Variants in MGAT4C observed in about 807,000 individuals in gnomAD.
MGAT4C encodes the protein alpha-1,3-mannosyl-glycoprotein 4-beta-N-acetylglucosaminyltransferase C.
In MGAT4C, 19 loss-of-function variants were observed where a neutral mutation model predicts 40.1. The ratio of observed to expected loss-of-function variants is 0.47; its 90% CI spans 0.33 to 0.70. The LOEUF is 0.70. Among genes scored for constraint, MGAT4C ranks in the 30% least tolerant of loss-of-function variants. The pLI, the probability that MGAT4C is intolerant of heterozygous loss-of-function variation, is 0.02. For missense variants in MGAT4C, 491 were observed against 563.2 expected (o/e 0.87, Z 1.30); for synonymous variants, 181 against 187.1 (o/e 0.97, Z 0.27).
At chr12:86,668,167 G>C (rs1162213064) in intron 2 of MGAT4C, among the ~76,000 whole-genome samples, 1 of 152,144 alleles carries the variant, frequency 6.6e-6, no homozygotes, top group African/African-American at 2.4e-5. Flanking sequence ...CATATTAGGG[G>C]CTTTTAACAT....
intron 3 of MGAT4C, among the ~76,000 whole-genome samples, chr12:86,342,646 AG>A (rs960278483): frequency 4.6e-5 from 7 of 152,062 alleles, no homozygotes; most frequent in Non-Finnish European, 8.8e-5. Flanking sequence ...TCACCATGTT[AG>A]CCAGGATGAT....
At chr12:86,181,259 T>C (rs1888088874) in intron 1 of MGAT4C, among the ~76,000 whole-genome samples, 3 of 152,280 alleles carry the variant, frequency 2.0e-5, no homozygotes, top group South Asian at 4.1e-4. Context: ...TTCTCAGTTT[T>C]GGTTATGTCT....
chr12:86,620,698 C>T (rs938807701), intron 2 of MGAT4C, among the ~76,000 whole-genome samples: 19 of 152,140 alleles, frequency 1.2e-4, no homozygotes, highest in Admixed American at 1.3e-4. Flanking sequence ...TATGTGTTCC[C>T]ACCAGAATCT....
intron 1 of MGAT4C, among the ~76,000 whole-genome samples, chr12:86,768,713 G>A (rs112844933): frequency 0.16 from 24,523 of 151,794 alleles, 3,138 homozygotes; most frequent in African/African-American, 0.35. Context: ...AAATAACGCC[G>A]CATATCTACA....
At chr12:86,825,580 G>A (rs965613810) in intron 1 of MGAT4C, among the ~76,000 whole-genome samples, 1 of 151,220 alleles carries the variant, frequency 6.6e-6, no homozygotes, top group East Asian at 2.0e-4. Context: ...TAAGAGCTTC[G>A]ATATACACAG....
intron 3 of MGAT4C, among the ~76,000 whole-genome samples, chr12:86,409,434 A>G (rs1480918744): frequency 6.6e-6 from 1 of 152,152 alleles, no homozygotes; most frequent in Non-Finnish European, 1.5e-5. Flanking sequence ...ACCTGTGGCA[A>G]TTGGAGACAC....
chr12:86,286,228 C>T (rs1374274631), intron 4 of MGAT4C, among the ~76,000 whole-genome samples: 1 of 151,972 alleles, frequency 6.6e-6, no homozygotes, highest in African/African-American at 2.4e-5. Flanking sequence ...CATTAAAATG[C>T]TAGCCTAGCA....
chr12:86,564,565 G>T (rs1960008174), intron 2 of MGAT4C, among the ~76,000 whole-genome samples: 2 of 152,220 alleles, frequency 1.3e-5, no homozygotes, highest in African/African-American at 4.8e-5. Context: ...CATGCAATGG[G>T]ATGGAAAATA....
At chr12:86,196,462 G>A (rs1222000702) in intron 1 of MGAT4C, among the ~76,000 whole-genome samples, 1 of 152,192 alleles carries the variant, frequency 6.6e-6, no homozygotes, top group Admixed American at 6.5e-5. Context: ...CCAGGAGGTG[G>A]CCCTCTTCCT....
intron 1 of MGAT4C, among the ~76,000 whole-genome samples, chr12:86,815,596 CTCAA>C (rs1305413331): frequency 6.6e-6 from 1 of 151,052 alleles, no homozygotes; most frequent in Non-Finnish European, 1.5e-5. Flanking sequence ...GTGGAACCAA[CTCAA>C]TCAACAAGTG....
chr12:86,487,460 C>A (rs1472302343), intron 2 of MGAT4C, among the ~76,000 whole-genome samples: 1 of 152,098 alleles, frequency 6.6e-6, no homozygotes, highest in African/African-American at 2.4e-5. Flanking sequence ...TTTGGAGTGG[C>A]TATTGACTTT....
chr12:86,804,998 A>G (rs1028808708), intron 1 of MGAT4C, among the ~76,000 whole-genome samples: 1 of 152,030 alleles, frequency 6.6e-6, no homozygotes, highest in African/African-American at 2.4e-5. Context: ...TATGGTATAC[A>G]CATTTCAACA....
At chr12:86,326,917 G>C (rs1364994208) in intron 4 of MGAT4C, among the ~76,000 whole-genome samples, 1 of 152,106 alleles carries the variant, frequency 6.6e-6, no homozygotes, top group African/African-American at 2.4e-5. Context: ...GGATGATTCA[G>C]ACAATTGTCA....
intron 1 of MGAT4C, among the ~76,000 whole-genome samples, chr12:86,742,513 G>A (rs373311937): frequency 6.6e-6 from 1 of 151,448 alleles, no homozygotes; most frequent in African/African-American, 2.4e-5. Context: ...AGTATGACAT[G>A]CCTCAGTTTG....
chr12:86,336,240 G>A lies in MGAT4C; in HGVS notation c.-119-2113C>T, dbSNP rs190984457. Reference sequence around the variant, plus strand: ...CATGGATGAGGAACCTGCAGATACAGAGAGACAATTATACTTTCCACTAGT... The same window carrying A: ...CATGGATGAGGAACCTGCAGATACAAAGAGACAATTATACTTTCCACTAGT... On this transcript the variant is annotated intron_variant, in intron 3 of 7. Coordinates refer to the MGAT4C transcript ENST00000548651. Among the ~76,000 whole-genome samples the A allele has an allele frequency of 3.9e-3, 600 of 152,246 alleles. 3 individuals are homozygous for A. The highest frequency in any genetic ancestry group is 8.7e-3 in the Admixed American group (133 of 15,276).
At chr12:86,563,939 T>C (rs1384143991) in intron 2 of MGAT4C, among the ~76,000 whole-genome samples, 1 of 152,150 alleles carries the variant, frequency 6.6e-6, no homozygotes, top group Admixed American at 6.5e-5. Flanking sequence ...CCACATTGGT[T>C]CCCTGGCTGG....
intron 3 of MGAT4C, among the ~76,000 whole-genome samples, chr12:86,351,452 T>A (rs1471114861): frequency 6.6e-6 from 1 of 152,008 alleles, no homozygotes; most frequent in Non-Finnish European, 1.5e-5. Context: ...GATTGTCAAA[T>A]ACATTTATAA....
chr12:86,465,413 T>G (rs2136299060), intron 2 of MGAT4C, among the ~76,000 whole-genome samples: 1 of 152,094 alleles, frequency 6.6e-6, no homozygotes, highest in South Asian at 2.1e-4. Flanking sequence ...GCTCTGCAAA[T>G]AATTCTGCCA....
At position 86,711,652 on chromosome 12, in the gene MGAT4C, A is replaced by C. The variant is rs181693559; in HGVS notation, c.-229+15557T>G. ...AATAAAGGATAAATGGAAGAAAAAA[A>C]TATGAAAACAAGATAGACTTTCATC... On this transcript the variant is annotated intron_variant, in intron 2 of 7. Coordinates refer to the MGAT4C transcript ENST00000548651. Among the ~76,000 whole-genome samples, 90 of 152,282 alleles carry C rather than the reference A, an allele frequency of 5.9e-4. 2 individuals carry two copies. The highest frequency in any genetic ancestry group is 1.9e-3 in the Admixed American group (29 of 15,268).
Sources: allele counts gnomAD v4.1 joint callset (sites outside exome capture counted in the v4.1 genomes callset), GRCh38; gene constraint gnomAD v4.1.1; transcripts MANE v1.5; gene names NCBI Gene and HGNC (gene_info 2026-07-23, HGNC 2026-07-21).